Variants in OSER1 observed in about 807,000 individuals in gnomAD.
OSER1 encodes oxidative stress responsive serine rich 1.
A neutral mutation model predicts 26.3 loss-of-function variants in OSER1; 15 were observed. The observed-to-expected ratio is 0.57, with a 90% CI of 0.38 to 0.88. OSER1 has a LOEUF of 0.88. Among genes scored for constraint, OSER1 ranks in the 40% least tolerant of loss-of-function variants. The pLI is 0.00. For synonymous variants in OSER1, 127 were observed against 128.2 expected (o/e 0.99, Z 0.07); for missense variants, 313 against 353.9 (o/e 0.88, Z 0.93).
intron 2 of OSER1, 77 bp downstream of exon 2, chr20:44,206,804 A>G (rs1391163813): frequency 4.5e-6 from 3 of 670,256 alleles, no homozygotes. Context: ...TAAAAGAGGA[A>G]GAGCTTTTTA....
At position 44,202,324 on chromosome 20, in the gene OSER1, G is replaced by A. The variant is rs192525869; in HGVS notation, c.191+637C>T. ...GGGGAGGCGGAGGGTGCAGTGAGCT[G>A]AGATTGTGACACTGCACTCCAGTCT... On this transcript the variant is annotated intron_variant, in intron 3 of 3. Coordinates refer to ENST00000255174, the MANE Select transcript of OSER1 (RefSeq NM_016470.8). 8.5e-3 allele frequency among the ~76,000 whole-genome samples: 1,291 copies of A among 152,184 alleles called. 13 individuals are homozygous for A. The highest frequency in any genetic ancestry group is 0.018 in the Admixed American group (281 of 15,292).
chr20:44,197,968 T>A (rs1227986284), intron 3 of OSER1, among the ~76,000 whole-genome samples: 2 of 152,204 alleles, frequency 1.3e-5, no homozygotes, highest in Non-Finnish European at 2.9e-5. Context: ...GATAATGGTA[T>A]TTTTTAACTG....
At chr20:44,205,565 A>G (rs1404410403) in intron 2 of OSER1, among the ~76,000 whole-genome samples, 2 of 152,190 alleles carry the variant, frequency 1.3e-5, no homozygotes, top group African/African-American at 4.8e-5. Context: ...ACAACAACTA[A>G]CATCTAGTTT....
At chr20:44,203,461 G>A (rs1368662687) in intron 2 of OSER1, among the ~76,000 whole-genome samples, 1 of 152,074 alleles carries the variant, frequency 6.6e-6, no homozygotes, top group Non-Finnish European at 1.5e-5. Context: ...ACTTAACACT[G>A]AATACATTTT....
At chr20:44,204,230 A>G (rs2145931642) in intron 2 of OSER1, among the ~76,000 whole-genome samples, 1 of 152,354 alleles carries the variant, frequency 6.6e-6, no homozygotes, top group Non-Finnish European at 1.5e-5. Context: ...GACAAATACC[A>G]CTAAGGAAAA....
chr20:44,205,153 C>T (rs1434999890), intron 2 of OSER1, among the ~76,000 whole-genome samples: 1 of 152,170 alleles, frequency 6.6e-6, no homozygotes, highest in Non-Finnish European at 1.5e-5. Context: ...TTTTACATTT[C>T]AACTTCTTAA....
intron 3 of OSER1, among the ~76,000 whole-genome samples, chr20:44,201,119 C>G (rs1432318205): frequency 6.6e-6 from 1 of 152,210 alleles, no homozygotes; most frequent in African/African-American, 2.4e-5. Flanking sequence ...TTCCAAAAAG[C>G]AAACCTTGAA....
In OSER1 at chr20:44,197,413, G is replaced by T. The variant is rs375137634; in HGVS notation, c.518C>A (p.Pro173His). 54 of 1,614,100 alleles carry T rather than the reference G, an allele frequency of 3.3e-5. No homozygotes were observed. The highest frequency in any genetic ancestry group is 4.5e-5 in the Non-Finnish European group (53 of 1,180,032). The change falls in exon 4 of 4, where the codon CCC becomes CAC. Residue 173 changes from proline (P) to histidine (H), a missense_variant. Around this residue, in one of 2 missense-constraint regions of OSER1, gnomAD observed 300 missense variants for 318.3 expected, o/e 0.94. Transcript: ENST00000255174. The part of the protein sequence containing the change: ...KEDSSDATQV[P>H]QASLKASDLS... ...ATCACTGGCTTTGAGACTTGCTTGGGGGACTTGGGTAGCGTCAGAGGAGTC... is the reference window on the plus strand; with the variant it reads ...ATCACTGGCTTTGAGACTTGCTTGGTGGACTTGGGTAGCGTCAGAGGAGTC...
In OSER1 at chr20:44,203,037, C is replaced by A. The variant is rs1407195520; in HGVS notation, c.115G>T (p.Val39Phe). ...GTTGCTGTTCTGACTGGTGCTCTGA[C>A]ACCTGTGCCTTCTCCAACAGACAGA... ...ASLSVGEGTG[V>F]RAPVRTATDD... The change falls in exon 3 of 4, where the codon GTC becomes TTC. Residue 39 changes from valine (V) to phenylalanine (F), a missense_variant. Val to Phe is a conservative substitution (Grantham distance 50, BLOSUM62 -1). Coordinates refer to ENST00000255174, the MANE Select transcript of OSER1 (RefSeq NM_016470.8). 6.2e-6 allele frequency: 10 copies of A among 1,612,800 alleles called. No homozygotes were observed. The highest frequency in any genetic ancestry group is 1.3e-5 in the African/African-American group (1 of 74,902).
In OSER1 at chr20:44,210,768, G is replaced by C. The variant is rs1418072820; in HGVS notation, c.-114C>G. 4 of 152,466 alleles carry C rather than the reference G, an allele frequency of 2.6e-5. No homozygotes were observed. Among genetic ancestry groups the C allele is most frequent in the Non-Finnish European group, 4.4e-5 (3 of 68,240 alleles). The allele number at this position is 152,466 out of a possible 1,614,324, so 9.4% of individuals were successfully genotyped here. On this transcript the variant is annotated 5_prime_UTR_variant, in exon 1 of 4. Coordinates refer to ENST00000255174, the MANE Select transcript of OSER1 (RefSeq NM_016470.8). Reference sequence around the variant, plus strand: ...GCGTCTCTCCCAAATCTCGGCACCCGACTGACCCGGATCCAAACCAGCCAA... The same window carrying C: ...GCGTCTCTCCCAAATCTCGGCACCCCACTGACCCGGATCCAAACCAGCCAA...
At chr20:44,198,796 T>C (rs1160434595) in intron 3 of OSER1, among the ~76,000 whole-genome samples, 1 of 152,214 alleles carries the variant, frequency 6.6e-6, no homozygotes. Context: ...CAGTTTCAGT[T>C]ACCTGCAGTC....
intron 2 of OSER1, among the ~76,000 whole-genome samples, chr20:44,205,939 C>CAAAAA (rs3037684): frequency 5.6e-5 from 4 of 71,710 alleles, no homozygotes; most frequent in African/African-American, 1.2e-4. Context: ...GAATCCGTCT[C>CAAAAA]AAAAAAAAAA....
chr20:44,207,592 G>A (rs2073050535), intron 1 of OSER1: 1 of 152,192 alleles, frequency 6.6e-6, no homozygotes, highest in Non-Finnish European at 1.5e-5. Context: ...TTTCTTCATA[G>A]CCTGGAATAG....
intron 2 of OSER1, among the ~76,000 whole-genome samples, chr20:44,203,694 T>TAACACACACACACACACACACACACA (rs1555866748): frequency 1.4e-5 from 2 of 145,360 alleles, no homozygotes; most frequent in African/African-American, 5.1e-5. Flanking sequence ...CAGACTTTTT[T>TAACACACACACACACACACACACACA]CACACACACA....
rs74836922 is a variant in OSER1 at position 44,196,297 on chromosome 20, A to C, written c.*755T>G. Among the ~76,000 whole-genome samples the C allele has an allele frequency of 4.3e-4, 55 of 126,718 alleles. No individual in the cohort carries two copies. The highest frequency in any genetic ancestry group is 3.9e-3 in the Middle Eastern group (1 of 254). 83.1% of individuals were successfully genotyped at this position (126,718 alleles called of 152,430 possible). On this transcript the variant is annotated 3_prime_UTR_variant, in exon 4 of 4. Coordinates refer to ENST00000255174, the MANE Select transcript of OSER1 (RefSeq NM_016470.8). The stretch of plus-strand genomic sequence containing the variant: ...AGACCTGTATTACAACTGATAACAA[A>C]AAAAAAAAAAAAAAACCGCCATATA...
intron 3 of OSER1, among the ~76,000 whole-genome samples, chr20:44,199,129 G>A (rs576089367): frequency 8.9e-4 from 135 of 152,296 alleles, no homozygotes; most frequent in African/African-American, 2.6e-3. Flanking sequence ...GAAAAGCCAC[G>A]AAGTGCTTCT....
In OSER1 at chr20:44,206,909, A is replaced by G; in HGVS notation, c.49T>C (p.Phe17Leu). 1 of 1,565,410 alleles carries G rather than the reference A, an allele frequency of 6.4e-7. No individual in the cohort carries two copies. The highest frequency in any genetic ancestry group is 8.8e-7 in the Non-Finnish European group (1 of 1,136,132). Residue 17 changes from phenylalanine to leucine, a missense_variant, in exon 2 of 4, where the codon TTC (phenylalanine) becomes CTC (leucine). Around this residue, in one of 2 missense-constraint regions of OSER1, gnomAD observed 300 missense variants for 318.3 expected, o/e 0.94. Coordinates refer to ENST00000255174, the MANE Select transcript of OSER1 (RefSeq NM_016470.8). ...DGEEESLQTA[F>L]KKLRVDASGS... is the part of the protein sequence containing the mutation. ...GATGCATCCACTCTTAATTTTTTGA[A>G]AGCAGTCTGTAGACTCTCCTCCTCT... is the stretch of plus-strand genomic sequence containing the variant.
chr20:44,202,098 G>A (rs577550965), intron 3 of OSER1, among the ~76,000 whole-genome samples: 26 of 152,346 alleles, frequency 1.7e-4, no homozygotes, highest in Admixed American at 1.6e-3. Flanking sequence ...CTAGTAGGCT[G>A]GGTGTGGTGG....
chr20:44,207,501 T>C (rs1367642410), intron 1 of OSER1: 2 of 152,406 alleles, frequency 1.3e-5, no homozygotes, highest in Admixed American at 1.3e-4. Context: ...GAAGACACGT[T>C]TTAGAGAACA....
Sources: gnomAD v4.1 joint callset for allele counts (sites outside exome capture counted in the v4.1 genomes callset) on GRCh38, gnomAD v4.1.1 for gene constraint, gnomAD v4.1.1 regional missense constraint, MANE v1.5 for transcripts, NCBI Gene and HGNC (gene_info 2026-07-23, HGNC 2026-07-21) for gene names.